PEBP4: variants seen among roughly 807,000 people sequenced by gnomAD.
PEBP4 encodes the protein phosphatidylethanolamine binding protein 4, also known as phosphatidylethanolamine-binding protein 4.
A neutral mutation model predicts 23.9 loss-of-function variants in PEBP4; 22 were observed. The ratio of observed to expected loss-of-function variants is 0.92; its 90% CI spans 0.66 to 1.31. PEBP4 has a LOEUF of 1.31. Ranked by LOEUF, PEBP4 falls within the 40% of genes most tolerant of loss-of-function variation. The pLI is 0.00. For synonymous variants in PEBP4, 112 were observed against 99.3 expected (o/e 1.13, Z -0.76); for missense variants, 324 against 281.7 (o/e 1.15, Z -1.07).
chr8:22,773,763 G>A (rs541839676), intron 4 of PEBP4, among the ~76,000 whole-genome samples: 1 of 152,312 alleles, frequency 6.6e-6, no homozygotes, highest in East Asian at 1.9e-4. Context: ...TCCCTTGGGA[G>A]CCTCAGCCGG....
intron 3 of PEBP4, among the ~76,000 whole-genome samples, chr8:22,857,780 A>C (rs1425559181): frequency 1.3e-5 from 2 of 152,106 alleles, no homozygotes. Flanking sequence ...TATCTATCTG[A>C]CTTTGTATAT....
Position 22,776,830 on chromosome 8 carries a change from C to T in PEBP4, c.357+40807G>A, listed in dbSNP as rs143544614. Among the ~76,000 whole-genome samples the T allele has an allele frequency of 9.3e-5, 14 of 150,438 alleles. No homozygotes were observed. In the Middle Eastern group the frequency reaches 0.01, roughly 110 times the overall value. ...TGAATCCCATGCCAGCTGACTCCTC[C>T]TCTTCAGAGCAGCGCTGAAGTGAAG... On this transcript the variant is annotated intron_variant, in intron 4 of 6. Coordinates refer to ENST00000256404, the MANE Select transcript of PEBP4 (RefSeq NM_144962.3).
chr8:22,919,764 C>G (rs564814319), intron 3 of PEBP4, among the ~76,000 whole-genome samples: 25 of 152,262 alleles, frequency 1.6e-4, no homozygotes, highest in Non-Finnish European at 4.4e-5. Flanking sequence ...TCTCTCCAGC[C>G]CAGAAGCCAT....
At chr8:22,933,784 T>C (rs1334684779) in intron 1 of PEBP4, among the ~76,000 whole-genome samples, 1 of 152,218 alleles carries the variant, frequency 6.6e-6, no homozygotes, top group African/African-American at 2.4e-5. Flanking sequence ...GCCAGTATTG[T>C]TGGAATTTTG....
upstream of PEBP4, among the ~76,000 whole-genome samples, chr8:22,932,563 G>C (rs1809474224): frequency 6.6e-6 from 1 of 152,020 alleles, no homozygotes; most frequent in East Asian, 1.9e-4. Context: ...ACAGAGAATT[G>C]GATGAACTAA....
intron 4 of PEBP4, among the ~76,000 whole-genome samples, chr8:22,740,117 C>G (rs138128798): frequency 2.6e-5 from 4 of 152,276 alleles, no homozygotes; most frequent in Non-Finnish European, 5.9e-5. Flanking sequence ...CCAATGGGCC[C>G]AGGCCTGGGG....
At chr8:22,849,197 T>C (rs1021333632) in intron 3 of PEBP4, among the ~76,000 whole-genome samples, 7 of 152,112 alleles carry the variant, frequency 4.6e-5, no homozygotes, top group African/African-American at 1.7e-4. Context: ...CCATGGCTAT[T>C]AAACTTATTC....
At chr8:22,934,308 T>TG (rs980997670) in intron 1 of PEBP4, among the ~76,000 whole-genome samples, 1 of 152,126 alleles carries the variant, frequency 6.6e-6, no homozygotes, top group African/African-American at 2.4e-5. Context: ...TAACACAAAA[T>TG]GGGGGGCACG....
At chr8:22,808,882 C>T (rs371738904) in intron 4 of PEBP4, among the ~76,000 whole-genome samples, 1 of 152,148 alleles carries the variant, frequency 6.6e-6, no homozygotes, top group Non-Finnish European at 1.5e-5. Context: ...TTATTAGTAG[C>T]CACAGTGCTG....
intron 3 of PEBP4, among the ~76,000 whole-genome samples, chr8:22,883,123 C>A (rs920529316): frequency 6.6e-6 from 1 of 152,158 alleles, no homozygotes; most frequent in African/African-American, 2.4e-5. Context: ...AAAACAAATC[C>A]CCGACACCAT....
At chr8:22,898,118 G>T (rs995800961) in intron 3 of PEBP4, among the ~76,000 whole-genome samples, 13 of 152,106 alleles carry the variant, frequency 8.5e-5, no homozygotes, top group Non-Finnish European at 1.5e-4. Context: ...CCAGCCAGGC[G>T]CAGTGGCTCA....
In PEBP4 at chr8:22,783,879, G is replaced by A. The variant is rs149230903; in HGVS notation, c.357+33758C>T. Among the ~76,000 whole-genome samples, 130 of 152,328 alleles carry A rather than the reference G, an allele frequency of 8.5e-4. 3 individuals carry two copies. The East Asian group carries it at 0.023, about 27-fold the overall frequency. On this transcript the variant is annotated intron_variant, in intron 4 of 6. Coordinates refer to ENST00000256404, the MANE Select transcript of PEBP4 (RefSeq NM_144962.3). ...GAGCTCAAGTGATCTCCCCGCCTTGGCTTCCCAAAGTGCTGGAATTGCAGG... is the reference window on the plus strand; with the variant it reads ...GAGCTCAAGTGATCTCCCCGCCTTGACTTCCCAAAGTGCTGGAATTGCAGG...
chr8:22,840,787 T>A (rs1255022715), intron 3 of PEBP4, among the ~76,000 whole-genome samples: 1 of 152,202 alleles, frequency 6.6e-6, no homozygotes, highest in African/African-American at 2.4e-5. Flanking sequence ...CAGGGACTGG[T>A]GGCTGGCTCT....
In PEBP4 at chr8:22,937,197, T is replaced by A. The variant is rs564468209; in HGVS notation, c.145-9477A>T. Among the ~76,000 whole-genome samples the A allele has an allele frequency of 4.8e-3, 724 of 152,296 alleles. 5 individuals are homozygous for A. Among genetic ancestry groups the A allele is most frequent in the Middle Eastern group, 0.024 (7 of 294 alleles). The stretch of plus-strand genomic sequence containing the variant: ...AATCTTACATATAGAAAACTCTAAT[T>A]TTTTAAAAAAGAAAAACTGTTAGAG... On this transcript the variant is annotated intron_variant, in intron 1 of 1. Transcript: ENST00000522278.
chr8:22,727,130 A>C, intron 5 of PEBP4, 45 bp downstream of exon 5: 1 of 1,604,610 alleles, frequency 6.2e-7, no homozygotes, highest in Non-Finnish European at 8.5e-7. Context: ...TGTGATCGTC[A>C]CTGATGCCCT....
chr8:22,783,917 C>T (rs373779253), intron 4 of PEBP4, among the ~76,000 whole-genome samples: 13 of 152,356 alleles, frequency 8.5e-5, no homozygotes, highest in South Asian at 4.1e-4. Flanking sequence ...TGGGCCACCA[C>T]GCTGGTCTGG....
intron 3 of PEBP4, among the ~76,000 whole-genome samples, chr8:22,846,293 C>A (rs968536498): frequency 1.3e-5 from 2 of 152,170 alleles, no homozygotes; most frequent in Admixed American, 6.5e-5. Context: ...TCCTGCACGA[C>A]CAGGGCTGGC....
At position 22,840,780 on chromosome 8, in the gene PEBP4, G is replaced by A. The variant is rs752811466; in HGVS notation, c.259-23045C>T. Among the ~76,000 whole-genome samples, 4 of 152,116 alleles carry A rather than the reference G, an allele frequency of 2.6e-5. No homozygotes were observed. In the East Asian group the frequency reaches 5.8e-4, roughly 22 times the overall value. The stretch of plus-strand genomic sequence containing the variant: ...ATCACCACCTTGTGATCTCTGCCAG[G>A]GACTGGTGGCTGGCTCTTAGTGTCC... On this transcript the variant is annotated intron_variant, in intron 3 of 6. Transcript: ENST00000256404.
chr8:22,909,535 G>A (rs1808890216), intron 3 of PEBP4, among the ~76,000 whole-genome samples: 1 of 152,134 alleles, frequency 6.6e-6, no homozygotes, highest in Non-Finnish European at 1.5e-5. Flanking sequence ...AGAACCAGAG[G>A]AGTCTCACAA....
Sources: gnomAD v4.1 joint callset for allele counts (sites outside exome capture counted in the v4.1 genomes callset) on GRCh38, gnomAD v4.1.1 for gene constraint, MANE v1.5 for transcripts, NCBI Gene and HGNC (gene_info 2026-07-23, HGNC 2026-07-21) for gene names.